Variants in CD8A observed in about 807,000 individuals in gnomAD.
CD8A encodes T-cell surface glycoprotein CD8 alpha chain.
In CD8A, 25 loss-of-function variants were observed where a neutral mutation model predicts 24.2. The ratio of observed to expected loss-of-function variants is 1.03; its 90% CI spans 0.75 to 1.44. The LOEUF is 1.44. Ranked by LOEUF, CD8A falls within the 40% of genes most tolerant of loss-of-function variation. The pLI is 0.00. For missense variants in CD8A, 360 were observed against 319.7 expected, an observed-to-expected ratio of 1.13 and a Z score of -0.96; for synonymous variants, 165 against 149.9, an observed-to-expected ratio of 1.10 and a Z score of -0.74.
intron 5 of CD8A, among the ~76,000 whole-genome samples, chr2:86,786,814 A>C (rs1210562610): frequency 1.3e-5 from 2 of 151,932 alleles, no homozygotes; most frequent in East Asian, 3.9e-4. Context: ...AGGTCAGGAG[A>C]TCGAGACCAT....
At chr2:86,806,000 TTTG>T (rs1469182913) in intron 2 of CD8A, among the ~76,000 whole-genome samples, 1 of 152,166 alleles carries the variant, frequency 6.6e-6, no homozygotes, top group African/African-American at 2.4e-5. Flanking sequence ...TATGTGACAA[TTTG>T]TTATCTTAAA....
upstream of CD8A, among the ~76,000 whole-genome samples, chr2:86,795,690 C>T (rs934588829): frequency 3.9e-5 from 6 of 152,080 alleles, no homozygotes; most frequent in Non-Finnish European, 8.8e-5. Flanking sequence ...TAGAGGAAGG[C>T]TGGAGCCAGG....
At chr2:86,806,901 T>TA (rs922713434) in intron 2 of CD8A, among the ~76,000 whole-genome samples, 3 of 152,158 alleles carry the variant, frequency 2.0e-5, no homozygotes, top group Non-Finnish European at 2.9e-5. Context: ...ACTACTTTTT[T>TA]AAAGTTTCTA....
chr2:86,805,881 G>C (rs956564824), intron 2 of CD8A, among the ~76,000 whole-genome samples: 4 of 152,000 alleles, frequency 2.6e-5, no homozygotes, highest in Non-Finnish European at 4.4e-5. Context: ...AGTAAATAAA[G>C]GGGAAAAATA....
At chr2:86,790,278 G>A in intron 2 of CD8A, 50 bp downstream of exon 2, 3 of 1,351,058 alleles carry the variant, frequency 2.2e-6, no homozygotes, top group Non-Finnish European at 3.2e-6. Context: ...AACAGGTTGA[G>A]GTGAACCCCA....
At chr2:86,799,625 G>A (rs764540937) in intron 3 of CD8A, among the ~76,000 whole-genome samples, 10 of 152,212 alleles carry the variant, frequency 6.6e-5, no homozygotes, top group African/African-American at 1.7e-4. Context: ...GCACGGTGGC[G>A]GGCGCCTGTA....
At chr2:86,806,738 C>T (rs1375756025) in intron 2 of CD8A, among the ~76,000 whole-genome samples, 2 of 152,192 alleles carry the variant, frequency 1.3e-5, no homozygotes, top group Non-Finnish European at 2.9e-5. Flanking sequence ...CTCAAATTCC[C>T]TCGTAAAGTC....
In CD8A at chr2:86,785,105, G is replaced by A; in HGVS notation, c.*815C>T. 2.2e-6 allele frequency: 1 copy of A among 454,086 alleles called. No homozygotes were observed. Among genetic ancestry groups the A allele is most frequent in the South Asian group, 1.6e-5 (1 of 64,478 alleles). The allele number at this position is 454,086 out of a possible 1,614,324, so 28.1% of individuals were successfully genotyped here. A position where few individuals can be genotyped will look rare whatever the true frequency, so the allele number is the denominator to read the frequency against. Reference sequence around the variant, plus strand: ...ATGCTCAAATTCTATTTGTAAAGGGGTAGCCTGTCCTCTTTCATGGGCCCC... The same window carrying A: ...ATGCTCAAATTCTATTTGTAAAGGGATAGCCTGTCCTCTTTCATGGGCCCC... On this transcript the variant is annotated 3_prime_UTR_variant, in exon 6 of 6. Coordinates refer to ENST00000283635, the MANE Select transcript of CD8A (RefSeq NM_001768.7).
At chr2:86,805,850 C>T (rs569937111) in intron 2 of CD8A, among the ~76,000 whole-genome samples, 71 of 152,200 alleles carry the variant, frequency 4.7e-4, no homozygotes, top group African/African-American at 1.7e-3. Flanking sequence ...ACAGTAAAGG[C>T]TGTGGCAAAA....
intron 3 of CD8A, 38 bp downstream of exon 3, chr2:86,789,602 T>C (rs776385652): frequency 3.9e-5 from 55 of 1,420,868 alleles, no homozygotes; most frequent in Non-Finnish European, 5.1e-5. Context: ...CTCCCCGCGG[T>C]GCGTGCCGCC....
intron 2 of CD8A, among the ~76,000 whole-genome samples, chr2:86,802,608 T>C (rs1007843547): frequency 2.0e-5 from 3 of 152,168 alleles, no homozygotes; most frequent in Non-Finnish European, 4.4e-5. Flanking sequence ...CATTTGTTTT[T>C]ACTCTTTATT....
intron 2 of CD8A, among the ~76,000 whole-genome samples, chr2:86,805,233 C>G (rs987777033): frequency 6.6e-6 from 1 of 152,086 alleles, no homozygotes; most frequent in African/African-American, 2.4e-5. Context: ...TACTTTTGGG[C>G]TGGGTTTTGC....
upstream of CD8A, chr2:86,791,338 C>T: frequency 2.8e-6 from 1 of 361,414 alleles, no homozygotes; most frequent in Non-Finnish European, 5.4e-6. Flanking sequence ...AACTAGCGAC[C>T]TGCCCGCTTC....
intron 2 of CD8A, among the ~76,000 whole-genome samples, chr2:86,802,909 C>T (rs1673721391): frequency 6.6e-6 from 1 of 151,934 alleles, no homozygotes; most frequent in Non-Finnish European, 1.5e-5. Context: ...TCGCGCCTGG[C>T]CTAGAATTCA....
chr2:86,785,773 G>C lies in CD8A; in HGVS notation c.*147C>G. The C allele has an allele frequency of 1.3e-6, 1 of 790,996 alleles. No homozygotes were observed. The allele number at this position is 790,996 out of a possible 1,614,324, so 49.0% of individuals were successfully genotyped here. ...TTCCCGTCAAACACATAAAGAAAAA[G>C]TAATCTTTCCCACCCCGCCCCCACT... On this transcript the variant is annotated 3_prime_UTR_variant, in exon 6 of 6. Coordinates refer to ENST00000283635, the MANE Select transcript of CD8A (RefSeq NM_001768.7).
At chr2:86,802,169 C>T (rs201878880) in intron 2 of CD8A, among the ~76,000 whole-genome samples, 2 of 152,132 alleles carry the variant, frequency 1.3e-5, no homozygotes, top group East Asian at 3.8e-4. Context: ...TCCCTAGTAG[C>T]TGGGATTACA....
At chr2:86,789,963 A>G (rs1380718217) in intron 2 of CD8A, among the ~76,000 whole-genome samples, 3 of 151,664 alleles carry the variant, frequency 2.0e-5, no homozygotes, top group Non-Finnish European at 4.4e-5. Context: ...CCAGAGCCGG[A>G]GCGCAGGAGC....
At chr2:86,806,943 GGAGA>G (rs1673925328) in intron 2 of CD8A, among the ~76,000 whole-genome samples, 1 of 151,898 alleles carries the variant, frequency 6.6e-6, no homozygotes, top group East Asian at 1.9e-4. Context: ...ATAACAAATT[GGAGA>G]GAGACCTAGA....
At chr2:86,804,865 C>T (rs1573472173) in intron 2 of CD8A, among the ~76,000 whole-genome samples, 2 of 137,026 alleles carry the variant, frequency 1.5e-5, no homozygotes, top group East Asian at 4.4e-4. Flanking sequence ...TGCAGTGGTG[C>T]GATCTCAGCT....
Sources: gnomAD v4.1 joint callset for allele counts (sites outside exome capture counted in the v4.1 genomes callset) on GRCh38, gnomAD v4.1.1 for gene constraint, MANE v1.5 for transcripts, NCBI Gene and HGNC (gene_info 2026-07-23, HGNC 2026-07-21) for gene names.